The following SLC43A2 variants were observed in gnomAD, a reference collection of about 807,000 sequenced individuals.
SLC43A2 encodes large neutral amino acids transporter small subunit 4.
Under a neutral mutation model 63.2 loss-of-function variants are expected in SLC43A2, and 38 were observed. The ratio of observed to expected loss-of-function variants is 0.60; its 90% CI spans 0.46 to 0.79. SLC43A2 has a LOEUF of 0.79. SLC43A2 is among the 30% of genes least tolerant of loss of function. SLC43A2 has a pLI of 0.00. For synonymous variants in SLC43A2, 322 were observed against 331.0 expected (o/e 0.97, Z 0.30); for missense variants, 644 against 756.2 (o/e 0.85, Z 1.74).
chr17:1,623,390 C>A (rs1908341376), intron 2 of SLC43A2, among the ~76,000 whole-genome samples: 2 of 152,174 alleles, frequency 1.3e-5, no homozygotes, highest in South Asian at 4.1e-4. Context: ...CTGTGGGTGA[C>A]TTCCTCAGGC....
At chr17:1,599,450 A>T (rs558624489) in intron 5 of SLC43A2, among the ~76,000 whole-genome samples, 1 of 152,206 alleles carries the variant, frequency 6.6e-6, no homozygotes, top group Non-Finnish European at 1.5e-5. Flanking sequence ...CTATAATCCC[A>T]GCACTTTAGG....
rs571148004 is a variant in SLC43A2 at position 1,580,599 on chromosome 17, C to T, written c.1351-2276G>A. ...TTTGTTTTGGGACGGTCTCGCTCTA[C>T]ACCCCAGGCTGGAGTGCAGTGGTGT... is the stretch of plus-strand genomic sequence containing the variant. On this transcript the variant is annotated intron_variant, in intron 11 of 13. Coordinates refer to ENST00000301335, the MANE Select transcript of SLC43A2 (RefSeq NM_152346.3). 9.9e-5 allele frequency among the ~76,000 whole-genome samples: 15 copies of T among 152,230 alleles called. No homozygotes were observed. In the South Asian group the frequency reaches 2.9e-3, roughly 29 times the overall value.
intron 10 of SLC43A2, among the ~76,000 whole-genome samples, chr17:1,584,067 TGC>T (rs2076062170): frequency 6.6e-6 from 1 of 151,946 alleles, no homozygotes; most frequent in Non-Finnish European, 1.5e-5. Context: ...GGCTAATTTT[TGC>T]GTTTTTGTAG....
chr17:1,615,275 A>C (rs1464103582), intron 3 of SLC43A2, among the ~76,000 whole-genome samples: 1 of 151,410 alleles, frequency 6.6e-6, no homozygotes, highest in African/African-American at 2.4e-5. Flanking sequence ...ACGCGTGGCT[A>C]ATTTTTTTAT....
At chr17:1,597,039 A>AC (rs1333085886) in intron 5 of SLC43A2, among the ~76,000 whole-genome samples, 2 of 151,170 alleles carry the variant, frequency 1.3e-5, no homozygotes, top group Admixed American at 6.6e-5. Flanking sequence ...ACATAGTGAG[A>AC]CCCCGTCTCT....
chr17:1,587,372 C>G (rs9893753), intron 9 of SLC43A2, among the ~76,000 whole-genome samples: 1 of 152,232 alleles, frequency 6.6e-6, no homozygotes, highest in South Asian at 2.1e-4. Context: ...CATCTACCTC[C>G]TGCTGTGCTC....
chr17:1,623,570 C>A (rs1295074698), intron 2 of SLC43A2, among the ~76,000 whole-genome samples: 1 of 152,088 alleles, frequency 6.6e-6, no homozygotes, highest in Non-Finnish European at 1.5e-5. Context: ...AATGGCCTCC[C>A]AGTCCCTGCA....
At chr17:1,581,808 T>C (rs1185152433) in intron 11 of SLC43A2, among the ~76,000 whole-genome samples, 3 of 145,354 alleles carry the variant, frequency 2.1e-5, no homozygotes, top group African/African-American at 7.5e-5. Flanking sequence ...GAAATTCAGT[T>C]TTTTTTTTTT....
intron 3 of SLC43A2, among the ~76,000 whole-genome samples, chr17:1,615,660 A>C (rs370388691): frequency 1.3e-4 from 20 of 149,434 alleles, no homozygotes; most frequent in Non-Finnish European, 3.0e-4. Context: ...TGGCTAACAC[A>C]GTGAAACCCC....
Position 1,578,393 on chromosome 17 carries a change from T to A in SLC43A2, c.1351-70A>T. On this transcript the variant is annotated intron_variant, in intron 11 of 13. Coordinates refer to ENST00000301335, the MANE Select transcript of SLC43A2 (RefSeq NM_152346.3). This position sits in a 1 kb window ranked among gnomAD's most constrained non-coding sequence, Gnocchi z 6.5. ...CGTCCCCTCAGCCCCCGCCCTCCAA[T>A]TCCTGGGGGCCCTCACCCCAGGGGC... 4 of 1,456,508 alleles carry A rather than the reference T, an allele frequency of 2.7e-6. No homozygotes were observed. The highest frequency in any genetic ancestry group is 3.8e-6 in the Non-Finnish European group (4 of 1,055,918). The allele number at this position is 1,456,508 out of a possible 1,614,324, so 90.2% of individuals were successfully genotyped here.
At chr17:1,616,364 A>C in intron 3 of SLC43A2, 198 bp downstream of exon 3, 2 of 583,192 alleles carry the variant, frequency 3.4e-6, no homozygotes, top group South Asian at 2.3e-5. Flanking sequence ...AGCTTTTCTT[A>C]TTCGGTACTG....
At chr17:1,607,589 C>A (rs913731781) in intron 5 of SLC43A2, among the ~76,000 whole-genome samples, 10 of 152,150 alleles carry the variant, frequency 6.6e-5, no homozygotes, top group Non-Finnish European at 1.3e-4. Context: ...CTGGCCCATG[C>A]AACCAGAGGG....
chr17:1,593,120 C>A lies in SLC43A2; in HGVS notation c.594+67G>T, dbSNP rs1300345425. The stretch of plus-strand genomic sequence containing the variant: ...GGGTGCCCACAATTGCCTCCCTCTT[C>A]AGAGAGGGTGGAAGGAGCCTGGAGC... On this transcript the variant is annotated intron_variant, in intron 6 of 13. Transcript: ENST00000301335. The surrounding 1 kb of genome is among the most constrained non-coding windows in gnomAD (Gnocchi z 5.3). The A allele has an allele frequency of 1.3e-6, 2 of 1,488,004 alleles. No individual in the cohort carries two copies. The highest frequency in any genetic ancestry group is 1.4e-5 in the African/African-American group (1 of 72,558). 92.2% of individuals were successfully genotyped at this position (1,488,004 alleles called of 1,614,324 possible). A position where few individuals can be genotyped will look rare whatever the true frequency, so the allele number is the denominator to read the frequency against.
Position 1,585,403 on chromosome 17 carries a change from C to T in SLC43A2, c.1217+510G>A, listed in dbSNP as rs540746475. 1.1e-5 allele frequency: 4 copies of T among 353,240 alleles called. No individual in the cohort carries two copies. The South Asian group carries it at 1.4e-4, about 12-fold the overall frequency. The allele number at this position is 353,240 out of a possible 1,614,324, so 21.9% of individuals were successfully genotyped here. A position where few individuals can be genotyped will look rare whatever the true frequency, so the allele number is the denominator to read the frequency against. On this transcript the variant is annotated intron_variant, in intron 10 of 13. Transcript: ENST00000301335. ...ATTACAGGCGCGCGCCGCCACCGCA[C>T]CTGGCTAATTTTTTGTATTTTTAGT...
chr17:1,629,252 C>T (rs991436636), upstream of SLC43A2, among the ~76,000 whole-genome samples: 1 of 152,118 alleles, frequency 6.6e-6, no homozygotes, highest in Non-Finnish European at 1.5e-5. Flanking sequence ...CCCAGCTGCC[C>T]CCTGCGCGCG....
In SLC43A2 at chr17:1,616,587, G is replaced by T. The variant is rs1907686474; in HGVS notation, c.343C>A (p.Pro115Thr). Reference protein sequence around the residue: ...PLGIVMDKYGPRKLRLLGSAC... With the variant: ...PLGIVMDKYGTRKLRLLGSAC... ...CTGCCCAGCAGCCTGAGCTTCCTCG[G>T]GCCATACTTGTCCATGACGATACCC... Residue 115 changes from proline to threonine, a missense_variant, in exon 3 of 14, where the codon CCG becomes ACG. Pro to Thr is a conservative substitution (Grantham distance 38). Coordinates refer to ENST00000301335, the MANE Select transcript of SLC43A2 (RefSeq NM_152346.3). 1.2e-6 allele frequency: 2 copies of T among 1,613,318 alleles called. No homozygotes were observed. The highest frequency in any genetic ancestry group is 4.5e-5 in the East Asian group (2 of 44,860).
intron 6 of SLC43A2, among the ~76,000 whole-genome samples, 153 bp from the exon 7 acceptor site, chr17:1,591,852 G>A (rs1467824077): frequency 2.0e-5 from 3 of 152,108 alleles, no homozygotes; most frequent in Non-Finnish European, 4.4e-5. Flanking sequence ...TGGGCGTTGG[G>A]GCATCAGGCA....
intron 4 of SLC43A2, among the ~76,000 whole-genome samples, chr17:1,614,204 T>C (rs1054905682): frequency 4.6e-5 from 7 of 151,852 alleles, no homozygotes; most frequent in Non-Finnish European, 8.8e-5. Context: ...GATTGCGCCA[T>C]TGCACTCCAG....
Position 1,575,666 on chromosome 17 carries a change from G to A in SLC43A2, c.1648C>T (p.Gln550Ter). The change falls in exon 14 of 14, where the codon CAG becomes TAG. Residue 550 changes from glutamine (Q) to a stop codon, truncating the protein, a stop_gained. Coordinates refer to ENST00000301335, the MANE Select transcript of SLC43A2 (RefSeq NM_152346.3). LOFTEE classifies it high-confidence loss of function. ...TTGAGGAAGAGTTTGTCATCCTCCT[G>A]CCTCTGCTGCAGCTGCCGCTCCAGC... ...RQLERQLQQR[Q>*]EDDKLFLKIN... The A allele has an allele frequency of 6.2e-7, 1 of 1,614,004 alleles. No individual in the cohort carries two copies. The highest frequency in any genetic ancestry group is 8.5e-7 in the Non-Finnish European group (1 of 1,179,990).
Sources: allele counts gnomAD v4.1 joint callset (sites outside exome capture counted in the v4.1 genomes callset), GRCh38; gene constraint gnomAD v4.1.1; non-coding constraint Gnocchi (gnomAD v3.1); transcripts MANE v1.5; gene names NCBI Gene and HGNC (gene_info 2026-07-23, HGNC 2026-07-21).